Variants in SUGCT observed in about 807,000 individuals in gnomAD.
The protein encoded by SUGCT is succinyl-CoA:glutarate-CoA transferase, also known as succinyl-CoA:glutarate CoA-transferase.
SUGCT carries 41 observed loss-of-function variants against 55.0 expected under a neutral mutation model. That is an observed-to-expected ratio of 0.74 (90% CI 0.58 to 0.97). The LOEUF is 0.97. Among genes scored for constraint, SUGCT ranks in the 50% least tolerant of loss-of-function variants. The probability of loss-of-function intolerance (pLI) is 0.00; values close to 1 mark genes in which losing one functional copy is unlikely to be tolerated. For synonymous variants in SUGCT, 187 were observed against 200.4 expected, an observed-to-expected ratio of 0.93 and a Z score of 0.56; for missense variants, 568 against 547.8, an observed-to-expected ratio of 1.04 and a Z score of -0.37.
intron 12 of SUGCT, among the ~76,000 whole-genome samples, chr7:40,684,616 A>AT (rs1237092094): frequency 1.3e-5 from 2 of 152,104 alleles, no homozygotes; most frequent in African/African-American, 2.4e-5. Context: ...ATTTCCTAAT[A>AT]TTTTTTGAAT....
chr7:40,513,803 T>TTG (rs896997853), intron 12 of SUGCT, among the ~76,000 whole-genome samples: 3 of 148,622 alleles, frequency 2.0e-5, no homozygotes, highest in Non-Finnish European at 4.5e-5. Flanking sequence ...TTTTTTTTTT[T>TTG]TTTGGAGACA....
intron 12 of SUGCT, among the ~76,000 whole-genome samples, chr7:40,668,724 A>G (rs1025265833): frequency 1.1e-4 from 16 of 152,142 alleles, no homozygotes; most frequent in Non-Finnish European, 1.9e-4. Flanking sequence ...CAATCTGGAA[A>G]CCCTAATAGG....
chr7:40,784,522 C>T (rs762399732), intron 13 of SUGCT, among the ~76,000 whole-genome samples: 4 of 152,134 alleles, frequency 2.6e-5, no homozygotes, highest in Non-Finnish European at 5.9e-5. Flanking sequence ...AGACTAATCC[C>T]TTATTAATAC....
intron 1 of SUGCT, among the ~76,000 whole-genome samples, chr7:40,165,199 A>T (rs1784360866): frequency 1.3e-5 from 2 of 152,186 alleles, no homozygotes; most frequent in South Asian, 4.1e-4. Context: ...TTTCTGTTTC[A>T]TATTGCTATT....
chr7:40,173,381 T>C (rs1468735687), intron 1 of SUGCT, among the ~76,000 whole-genome samples: 2 of 151,996 alleles, frequency 1.3e-5, no homozygotes, highest in Non-Finnish European at 2.9e-5. Flanking sequence ...CAAACAGCAG[T>C]GGTGGACAGC....
intron 9 of SUGCT, among the ~76,000 whole-genome samples, chr7:40,398,930 C>T (rs1183610050): frequency 6.6e-6 from 1 of 152,126 alleles, no homozygotes; most frequent in Non-Finnish European, 1.5e-5. Flanking sequence ...TCTCATATCT[C>T]CTGTTGACTT....
intron 1 of SUGCT, among the ~76,000 whole-genome samples, chr7:40,141,426 A>C (rs1400224635): frequency 6.6e-6 from 1 of 151,976 alleles, no homozygotes; most frequent in Non-Finnish European, 1.5e-5. Flanking sequence ...CAAGGTTAGG[A>C]GTTCGAGACC....
intron 1 of SUGCT, among the ~76,000 whole-genome samples, chr7:40,179,844 T>C (rs772993033): frequency 3.9e-5 from 6 of 152,184 alleles, no homozygotes; most frequent in Non-Finnish European, 5.9e-5. Flanking sequence ...GCATCAACTT[T>C]CCTAATATCC....
chr7:40,752,026 T>C (rs1788038893), intron 13 of SUGCT, among the ~76,000 whole-genome samples: 1 of 152,230 alleles, frequency 6.6e-6, no homozygotes, highest in African/African-American at 2.4e-5. Flanking sequence ...CAGGTAGCCA[T>C]TGTCACAAGA....
rs118183969 is a variant in SUGCT at position 40,384,241 on chromosome 7, G to A, written c.817-65046G>A. 3.9e-3 allele frequency among the ~76,000 whole-genome samples: 601 copies of A among 152,310 alleles called. 2 individuals are homozygous for A. Among genetic ancestry groups the A allele is most frequent in the Middle Eastern group, 0.01 (3 of 294 alleles). The stretch of plus-strand genomic sequence containing the variant: ...GGTGGAGGATAAAGAAAGGTTGAAT[G>A]TGAAGCTGCTCTGTGGGGTGCTGGG... On this transcript the variant is annotated intron_variant, in intron 9 of 13. Transcript: ENST00000335693.
At chr7:40,999,489 A>G in the SUGCT span, among the ~76,000 whole-genome samples, 2 of 152,238 alleles carry the variant, frequency 1.3e-5, no homozygotes, top group Non-Finnish European at 2.9e-5. Context: ...CCTATTCATT[A>G]GGAGACTGTA....
chr7:40,181,960 T>C lies in SUGCT; in HGVS notation c.158T>C (p.Leu53Pro). Reference sequence around the variant, plus strand: ...TATCATTTTTAACATTGTAGAGTCCTGGCGGGACCTTTTGCTACTATGAAT... The same window carrying C: ...TATCATTTTTAACATTGTAGAGTCCCGGCGGGACCTTTTGCTACTATGAAT... ...GVKILDLTRVLAGPFATMNLG... is the reference protein window; with the variant it reads ...GVKILDLTRVPAGPFATMNLG... The change falls in exon 3 of 14, where the codon CTG becomes CCG. Residue 53 changes from leucine to proline, a missense_variant. Transcript: ENST00000335693. The C allele has an allele frequency of 6.3e-7, 1 of 1,584,676 alleles. No individual in the cohort carries two copies. Among genetic ancestry groups the C allele is most frequent in the Non-Finnish European group, 8.6e-7 (1 of 1,159,768 alleles).
At chr7:40,946,406 G>A in the SUGCT span, among the ~76,000 whole-genome samples, 1 of 152,130 alleles carries the variant, frequency 6.6e-6, no homozygotes, top group Non-Finnish European at 1.5e-5. Flanking sequence ...GGGGATTGGA[G>A]GGCCGTTCTC....
At chr7:40,373,188 T>C (rs1293327058) in intron 9 of SUGCT, among the ~76,000 whole-genome samples, 2 of 151,742 alleles carry the variant, frequency 1.3e-5, no homozygotes, top group Non-Finnish European at 3.0e-5. Context: ...GTTAAATTTC[T>C]CTTCTCCTTT....
At chr7:40,526,638 A>G (rs965039739) in intron 12 of SUGCT, among the ~76,000 whole-genome samples, 8 of 152,052 alleles carry the variant, frequency 5.3e-5, no homozygotes, top group African/African-American at 1.2e-4. Context: ...TTGGGGGAAA[A>G]TTTTTGTTTA....
chr7:40,618,024 A>G (rs1462686669), intron 12 of SUGCT, among the ~76,000 whole-genome samples: 1 of 152,200 alleles, frequency 6.6e-6, no homozygotes, highest in African/African-American at 2.4e-5. Context: ...TCTCTAGAAG[A>G]CATTCTTGGG....
intron 9 of SUGCT, among the ~76,000 whole-genome samples, chr7:40,350,721 C>T (rs764906311): frequency 7.2e-5 from 11 of 151,998 alleles, no homozygotes; most frequent in African/African-American, 2.4e-4. Context: ...ATACAGGTGC[C>T]GTGGTGGTTT....
intron 9 of SUGCT, among the ~76,000 whole-genome samples, chr7:40,420,130 C>A (rs4723963): frequency 0.96 from 145,615 of 152,174 alleles, 70,005 homozygotes; most frequent in East Asian, 1. Flanking sequence ...GGAGAACCTT[C>A]GGAGTATCAG....
rs76313356 is a variant in SUGCT, at chr7:40,812,421, G to T, written c.1154-47895G>T. ...CAGAACTTGATATTGGTCTGTTTGGGGTTTCAACTTCTTCCTGATTCGATT... is the reference window on the plus strand; with the variant it reads ...CAGAACTTGATATTGGTCTGTTTGGTGTTTCAACTTCTTCCTGATTCGATT... On this transcript the variant is annotated intron_variant, in intron 13 of 13. Coordinates refer to ENST00000335693, the MANE Select transcript of SUGCT (RefSeq NM_001193313.2). 4.6e-5 allele frequency among the ~76,000 whole-genome samples: 7 copies of T among 151,996 alleles called. No homozygotes were observed. In the East Asian group the frequency reaches 1.4e-3, roughly 29 times the overall value.
Sources: gnomAD v4.1 joint callset for allele counts (sites outside exome capture counted in the v4.1 genomes callset) on GRCh38, gnomAD v4.1.1 for gene constraint, MANE v1.5 for transcripts, NCBI Gene and HGNC (gene_info 2026-07-23, HGNC 2026-07-21) for gene names.